VPS29: variants seen among roughly 807,000 people sequenced by gnomAD.
VPS29 encodes the protein vacuolar protein sorting-associated protein 29.
Under a neutral mutation model 20.0 loss-of-function variants are expected in VPS29, and 2 were observed. That is an observed-to-expected ratio of 0.10 (90% CI 0.04 to 0.31). VPS29 has a LOEUF of 0.31. Among genes scored for constraint, VPS29 ranks in the 10% least tolerant of loss-of-function variants. The pLI is 1.00. For missense variants in VPS29, 120 were observed against 215.3 expected, an observed-to-expected ratio of 0.56 and a Z score of 2.77; for synonymous variants, 81 against 79.3, an observed-to-expected ratio of 1.02 and a Z score of -0.12.
At chr12:110,495,630 C>T (rs1857847187) in intron 2 of VPS29, among the ~76,000 whole-genome samples, 1 of 151,962 alleles carries the variant, frequency 6.6e-6, no homozygotes, top group South Asian at 2.1e-4. Flanking sequence ...TCGGTTGAAC[C>T]TGAGAGGCAG....
chr12:110,495,238 T>C (rs2062885930), intron 2 of VPS29, among the ~76,000 whole-genome samples: 1 of 152,030 alleles, frequency 6.6e-6, no homozygotes. Flanking sequence ...CACAGGAGGG[T>C]TGCCAGCAGA....
At chr12:110,496,344 T>A in intron 1 of VPS29, 141 bp from the exon 2 acceptor site, 1 of 695,626 alleles carries the variant, frequency 1.4e-6, no homozygotes, top group Non-Finnish European at 2.2e-6. Context: ...ATCATGACTA[T>A]TTATTTAATC....
chr12:110,494,671 G>A (rs1253650664), intron 2 of VPS29, among the ~76,000 whole-genome samples: 3 of 152,074 alleles, frequency 2.0e-5, no homozygotes, highest in Non-Finnish European at 4.4e-5. Flanking sequence ...TCAGAAAGGG[G>A]AAGTGATCTG....
intron 2 of VPS29, among the ~76,000 whole-genome samples, chr12:110,494,151 C>T (rs2062861382): frequency 6.6e-6 from 1 of 151,876 alleles, no homozygotes; most frequent in Non-Finnish European, 1.5e-5. Flanking sequence ...AATAAAAAGA[C>T]AGTATGCCCC....
intron 1 of VPS29, chr12:110,501,531 G>A (rs909765343): frequency 2.0e-5 from 31 of 1,535,316 alleles, no homozygotes; most frequent in Admixed American, 3.9e-5. Flanking sequence ...GTTATTTCAG[G>A]AGCGAGGAGG....
In VPS29 at chr12:110,492,999, T is replaced by G. The variant is rs753556802; in HGVS notation, c.428A>C (p.Glu143Ala). Residue 143 changes from glutamate (E) to alanine (A), a missense_variant, in exon 3 of 4, where the codon GAA (glutamate) becomes GCA (alanine). Physicochemically the swap from Glu to Ala is moderately radical, Grantham distance 107. Transcript: ENST00000549578. The stretch of plus-strand genomic sequence containing the variant: ...TCCCAAATTCTATACTACTCACGTT[T>G]CCAAGGCATTATATGCCCCAGTGGC... ...GSATGAYNAL[E>A]TNIIPSFVLM... 1 of 1,610,246 alleles carries G rather than the reference T, an allele frequency of 6.2e-7. No homozygotes were observed. The highest frequency in any genetic ancestry group is 1.1e-5 in the South Asian group (1 of 90,400).
At chr12:110,496,422 G>C in intron 1 of VPS29, 1 of 414,286 alleles carries the variant, frequency 2.4e-6, no homozygotes, top group Non-Finnish European at 4.3e-6. Context: ...ATCATTGATT[G>C]TATCATGACA....
intron 3 of VPS29, 23 bp downstream of exon 3, chr12:110,492,973 T>G (rs2062842076): frequency 1.9e-6 from 3 of 1,573,208 alleles, no homozygotes; most frequent in African/African-American, 1.4e-5. Context: ...AGCCCCCAAA[T>G]TCCCAAATTC....
intron 2 of VPS29, 75 bp downstream of exon 2, chr12:110,495,937 G>T: frequency 7.4e-7 from 1 of 1,346,292 alleles, no homozygotes; most frequent in Non-Finnish European, 9.8e-7. Context: ...GAGAAACCCT[G>T]GTCTAAAGAT....
chr12:110,493,968 A>G (rs2062858601), intron 2 of VPS29, among the ~76,000 whole-genome samples: 2 of 152,148 alleles, frequency 1.3e-5, no homozygotes, highest in Non-Finnish European at 2.9e-5. Context: ...GCCAGGCACT[A>G]CTGTAGGGGT....
chr12:110,497,286 G>A (rs1355242049), intron 1 of VPS29, among the ~76,000 whole-genome samples: 7 of 141,502 alleles, frequency 4.9e-5, no homozygotes, highest in Admixed American at 2.2e-4. Context: ...GTGCGATCTC[G>A]GCTCACTGCA....
In VPS29 at chr12:110,496,004, T is replaced by G; in HGVS notation, c.195+8A>C. On this transcript the variant is annotated splice_region_variant and intron_variant, in intron 2 of 3. Coordinates refer to ENST00000549578, the MANE Select transcript of VPS29 (RefSeq NM_016226.5). ...AGATATTTGAGAAGGGAAAGGGAAA[T>G]ACATCACCTCATCGAAGTCTCCTCT... The G allele has an allele frequency of 6.6e-7, 1 of 1,526,292 alleles. No individual in the cohort carries two copies. The highest frequency in any genetic ancestry group is 8.9e-7 in the Non-Finnish European group (1 of 1,120,930). 94.5% of individuals were successfully genotyped at this position (1,526,292 alleles called of 1,614,324 possible).
chr12:110,495,866 G>T, intron 2 of VPS29, 146 bp downstream of exon 2: 2 of 612,568 alleles, frequency 3.3e-6, no homozygotes, highest in Non-Finnish European at 5.2e-6. Flanking sequence ...GGAGGGGCAT[G>T]ATGTATAGTA....
intron 1 of VPS29, chr12:110,499,542 C>T: frequency 6.2e-7 from 1 of 1,611,960 alleles, no homozygotes; most frequent in Non-Finnish European, 8.5e-7. Flanking sequence ...TACTCTGTGC[C>T]CAGCCTTAGT....
At position 110,501,618 on chromosome 12, in the gene VPS29, G is replaced by A. The variant is rs1044320875; in HGVS notation, c.3+431C>T. 24 of 1,534,276 alleles carry A rather than the reference G, an allele frequency of 1.6e-5. No individual in the cohort carries two copies. The Admixed American group carries it at 4.1e-4, about 26-fold the overall frequency. On this transcript the variant is annotated intron_variant, in intron 1 of 3. Transcript: ENST00000549578. The stretch of plus-strand genomic sequence containing the variant: ...GCTCGCTACTTCCTGTTCTGCATTC[G>A]AGAGGCCAGCTTCCACCACTACACC...
At position 110,491,776 on chromosome 12, in the gene VPS29, A is replaced by G. The variant is rs1449394507; in HGVS notation, c.*229T>C. ...ATAAATTTTTCTTAACAAGTGACCA[A>G]TTACTGTGTTGTGGACATTTTTTCA... On this transcript the variant is annotated 3_prime_UTR_variant, in exon 4 of 4. Coordinates refer to ENST00000549578, the MANE Select transcript of VPS29 (RefSeq NM_016226.5). The G allele has an allele frequency of 4.9e-6, 2 of 408,848 alleles. No homozygotes were observed. The highest frequency in any genetic ancestry group is 4.4e-5 in the East Asian group (1 of 22,978). 25.3% of individuals were successfully genotyped at this position (408,848 alleles called of 1,614,324 possible).
At chr12:110,501,738 A>G (rs939330341) in intron 1 of VPS29, 1 of 1,148,348 alleles carries the variant, frequency 8.7e-7, no homozygotes, top group African/African-American at 1.5e-5. Context: ...GAGGTATAGG[A>G]CCAAAGGCCT....
chr12:110,495,475 C>T (rs2062890415), intron 2 of VPS29, among the ~76,000 whole-genome samples: 1 of 152,074 alleles, frequency 6.6e-6, no homozygotes, highest in Non-Finnish European at 1.5e-5. Context: ...CTTTAGGAGG[C>T]TGAGGCGGGA....
chr12:110,498,208 G>C (rs1362610036), intron 1 of VPS29, among the ~76,000 whole-genome samples: 1 of 152,044 alleles, frequency 6.6e-6, no homozygotes, highest in Non-Finnish European at 1.5e-5. Context: ...CTGACCTCAG[G>C]TGACCCACCT....
Sources: gnomAD v4.1 joint callset for allele counts (sites outside exome capture counted in the v4.1 genomes callset) on GRCh38, gnomAD v4.1.1 for gene constraint, MANE v1.5 for transcripts, NCBI Gene and HGNC (gene_info 2026-07-23, HGNC 2026-07-21) for gene names.